The following PRKCE variants were observed in gnomAD, a reference collection of about 807,000 sequenced individuals.
PRKCE encodes the protein protein kinase C epsilon, also known as protein kinase C epsilon type.
A neutral mutation model predicts 85.4 loss-of-function variants in PRKCE; 16 were observed. The ratio of observed to expected loss-of-function variants is 0.19; its 90% CI spans 0.13 to 0.28. PRKCE has a LOEUF of 0.28. Ranked by LOEUF, PRKCE falls within the 10% of genes least tolerant of loss-of-function variation. PRKCE has a pLI of 1.00. For missense variants in PRKCE, 573 were observed against 975.2 expected (o/e 0.59, Z 5.49); for synonymous variants, 388 against 371.5 (o/e 1.04, Z -0.51).
At chr2:45,700,092 C>T (rs1002343009) in intron 1 of PRKCE, among the ~76,000 whole-genome samples, 2 of 151,886 alleles carry the variant, frequency 1.3e-5, no homozygotes, top group Non-Finnish European at 2.9e-5. Context: ...AGTTAACTAA[C>T]CAGGCCGCCT....
chr2:46,037,893 G>T (rs972865369), intron 10 of PRKCE, among the ~76,000 whole-genome samples: 1 of 152,140 alleles, frequency 6.6e-6, no homozygotes, highest in Non-Finnish European at 1.5e-5. Flanking sequence ...GTTGGTTGTC[G>T]TTGGGCAAAT....
At chr2:46,003,534 G>A (rs1358310366) in intron 7 of PRKCE, among the ~76,000 whole-genome samples, 2 of 152,178 alleles carry the variant, frequency 1.3e-5, no homozygotes, top group African/African-American at 4.8e-5. Context: ...AAAAGTGCCG[G>A]ACAGAGTCTT....
chr2:45,771,700 GGCGT>G lies in PRKCE; in HGVS notation c.349-71298_349-71295del, dbSNP rs1442300455. 5.7e-3 allele frequency among the ~76,000 whole-genome samples: 537 copies of G among 94,712 alleles called. 4 individuals carry two copies. Among genetic ancestry groups the G allele is most frequent in the African/African-American group, 0.016 (509 of 32,418 alleles). The allele number at this position is 94,712 out of a possible 152,430, so 62.1% of individuals were successfully genotyped here. A position where few individuals can be genotyped will look rare whatever the true frequency, so the allele number is the denominator to read the frequency against. ...GACGTGGAGTGACTCTACAGAGTGG[GGCGT>G]GTGTGTGTGTGTGTGTGTGTGTGTG... On this transcript the variant is annotated intron_variant, in intron 1 of 14. Transcript: ENST00000306156.
intron 5 of PRKCE, 92 bp from the exon 6 acceptor site, chr2:45,984,459 C>G: frequency 2.6e-6 from 4 of 1,534,060 alleles, no homozygotes; most frequent in Non-Finnish European, 3.5e-6. Flanking sequence ...GACACAAGCT[C>G]TCTTGGAAAA....
At chr2:46,132,945 A>G (rs1169338623) in intron 11 of PRKCE, among the ~76,000 whole-genome samples, 2 of 152,136 alleles carry the variant, frequency 1.3e-5, no homozygotes, top group Non-Finnish European at 2.9e-5. Context: ...TGCCTTCCCT[A>G]CATCCCCGTC....
intron 6 of PRKCE, among the ~76,000 whole-genome samples, chr2:45,994,564 C>T (rs1240423959): frequency 6.6e-6 from 1 of 152,118 alleles, no homozygotes; most frequent in Non-Finnish European, 1.5e-5. Flanking sequence ...GAGATTGGCA[C>T]CTTTCACTTA....
In PRKCE at chr2:45,932,986, T is replaced by A. The variant is rs1699153692; in HGVS notation, c.413-43443T>A. Reference sequence around the variant, plus strand: ...TTCTTAAGTCTGAATAGTATTCCATTATATCTATAATATATACCACATTCT... The same window carrying A: ...TTCTTAAGTCTGAATAGTATTCCATAATATCTATAATATATACCACATTCT... On this transcript the variant is annotated intron_variant, in intron 2 of 14. Coordinates refer to ENST00000306156, the MANE Select transcript of PRKCE (RefSeq NM_005400.3). 1.3e-5 allele frequency among the ~76,000 whole-genome samples: 2 copies of A among 152,274 alleles called. 1 individual carries two copies. The highest frequency in any genetic ancestry group is 4.1e-4 in the South Asian group (2 of 4,836).
At chr2:45,727,678 G>A (rs79524803) in intron 1 of PRKCE, among the ~76,000 whole-genome samples, 29 of 151,972 alleles carry the variant, frequency 1.9e-4, no homozygotes, top group East Asian at 1.4e-3. Context: ...TTTTTAAGAC[G>A]GAGTCTCGCT....
chr2:45,981,812 T>C (rs1246879413), intron 5 of PRKCE, among the ~76,000 whole-genome samples: 1 of 152,208 alleles, frequency 6.6e-6, no homozygotes, highest in Non-Finnish European at 1.5e-5. Context: ...AGGAGTACAC[T>C]AGTCCCTCCC....
At position 45,659,173 on chromosome 2, in the gene PRKCE, A is replaced by G. The variant is rs568165345; in HGVS notation, c.348+6725A>G. 4.6e-5 allele frequency among the ~76,000 whole-genome samples: 7 copies of G among 152,270 alleles called. No homozygotes were observed. In the East Asian group the frequency reaches 1.2e-3, roughly 25 times the overall value. ...TTGTGTAAAGGGCATCTTAAACTCC[A>G]TATGCCTAATATTGTATACCTATTT... is the stretch of plus-strand genomic sequence containing the variant. On this transcript the variant is annotated intron_variant, in intron 1 of 14. Transcript: ENST00000306156.
intron 1 of PRKCE, among the ~76,000 whole-genome samples, chr2:45,730,171 A>C (rs1681442898): frequency 6.6e-6 from 1 of 152,070 alleles, no homozygotes; most frequent in Non-Finnish European, 1.5e-5. Flanking sequence ...TGGAAAAATA[A>C]ATTTTTTAGA....
chr2:45,787,559 C>T (rs1162074814), intron 1 of PRKCE, among the ~76,000 whole-genome samples: 1 of 152,082 alleles, frequency 6.6e-6, no homozygotes, highest in Non-Finnish European at 1.5e-5. Flanking sequence ...TTCATGGGAA[C>T]CTGATGAGAG....
chr2:46,173,269 A>C (rs546725066), intron 14 of PRKCE, among the ~76,000 whole-genome samples: 33 of 152,362 alleles, frequency 2.2e-4, no homozygotes, highest in African/African-American at 7.9e-4. Flanking sequence ...TCATTCATTT[A>C]CACAAGTTCA....
intron 10 of PRKCE, among the ~76,000 whole-genome samples, chr2:46,029,519 C>G (rs752525660): frequency 6.6e-6 from 1 of 152,110 alleles, no homozygotes; most frequent in Admixed American, 6.5e-5. Context: ...CCCCCACTAA[C>G]GCCACCCTTT....
At chr2:45,846,113 T>G (rs6544854) in intron 2 of PRKCE, among the ~76,000 whole-genome samples, 102,844 of 151,854 alleles carry the variant, frequency 0.68, 34,817 homozygotes, top group South Asian at 0.72. Flanking sequence ...TCACAGGGGG[T>G]TCTGGTAAGG....
At position 45,979,855 on chromosome 2, in the gene PRKCE, A is replaced by G. The variant is rs188160968; in HGVS notation, c.608-441A>G. Among the ~76,000 whole-genome samples, 3 of 152,266 alleles carry G rather than the reference A, an allele frequency of 2.0e-5. No individual in the cohort carries two copies. In the East Asian group the frequency reaches 5.8e-4, roughly 29 times the overall value. ...GTATGTCAGGACACAACCAGATAAA[A>G]AAGCCTCAGAACCTCTGCACCGCCT... On this transcript the variant is annotated intron_variant, in intron 4 of 14. Coordinates refer to ENST00000306156, the MANE Select transcript of PRKCE (RefSeq NM_005400.3).
chr2:45,704,540 T>G (rs1300503462), intron 1 of PRKCE, among the ~76,000 whole-genome samples: 1 of 152,242 alleles, frequency 6.6e-6, no homozygotes, highest in Non-Finnish European at 1.5e-5. Context: ...TAAAGTGTCA[T>G]GACATGGCCT....
intron 7 of PRKCE, among the ~76,000 whole-genome samples, chr2:46,002,097 A>G (rs1380423059): frequency 2.0e-5 from 3 of 152,228 alleles, no homozygotes; most frequent in Non-Finnish European, 4.4e-5. Context: ...TCTCTGTGAC[A>G]TTCTAAATAT....
intron 11 of PRKCE, among the ~76,000 whole-genome samples, chr2:46,144,391 C>A (rs1675864424): frequency 6.6e-6 from 1 of 152,204 alleles, no homozygotes; most frequent in Non-Finnish European, 1.5e-5. Flanking sequence ...GCATTCCAGG[C>A]TCTTTGAGCA....
Sources: gnomAD v4.1 joint callset for allele counts (sites outside exome capture counted in the v4.1 genomes callset) on GRCh38, gnomAD v4.1.1 for gene constraint, MANE v1.5 for transcripts, NCBI Gene and HGNC (gene_info 2026-07-23, HGNC 2026-07-21) for gene names.